The following HDAC4 variants were observed in gnomAD, a reference collection of about 807,000 sequenced individuals.
HDAC4 encodes the protein histone deacetylase 4.
HDAC4 carries 16 observed loss-of-function variants against 135.1 expected under a neutral mutation model. The observed-to-expected ratio is 0.12, with a 90% CI of 0.08 to 0.18. The LOEUF (loss-of-function observed/expected upper bound fraction) is 0.18. Among genes scored for constraint, HDAC4 ranks in the 10% least tolerant of loss-of-function variants. The pLI is 1.00. For synonymous variants in HDAC4, 685 were observed against 653.4 expected (o/e 1.05, Z -0.74); for missense variants, 1,143 against 1,511.8 (o/e 0.76, Z 4.05).
rs796837146 is a variant in HDAC4, at chr2:239,197,882, T to TGTGTGTGC, written c.95-7806_95-7805insGCACACAC. 4.3e-3 allele frequency among the ~76,000 whole-genome samples: 645 copies of TGTGTGTGC among 150,378 alleles called. 3 individuals are homozygous for TGTGTGTGC. The highest frequency in any genetic ancestry group is 0.014 in the African/African-American group (571 of 40,662). ...GTGTGTGTGTGTGTGTGTGTGTGTGTGCTGAGTGTCACCCAGGCTGGACTG... is the reference window on the plus strand; with the variant it reads ...GTGTGTGTGTGTGTGTGTGTGTGTGTGTGTGTGCGCTGAGTGTCACCCAGGCTGGACTG... On this transcript the variant is annotated intron_variant, in intron 3 of 26. Coordinates refer to ENST00000543185, the MANE Select transcript of HDAC4 (RefSeq NM_001378414.1).
rs533270686 is a variant in HDAC4, at chr2:239,089,663, C to T, written c.2388+346G>A. ...ATTAATAAACATTTTGAAAATTTCT[C>T]AGTTGTAATCTCTAATAGAGTCAAT... On this transcript the variant is annotated intron_variant, in intron 18 of 26. Transcript: ENST00000543185. 56 of 206,226 alleles carry T rather than the reference C, an allele frequency of 2.7e-4. 1 individual carries two copies. The highest frequency in any genetic ancestry group is 1.2e-3 in the Admixed American group (23 of 18,478). The allele number at this position is 206,226 out of a possible 1,614,324, so 12.8% of individuals were successfully genotyped here.
chr2:239,312,724 A>G (rs937966158), intron 2 of HDAC4, among the ~76,000 whole-genome samples: 3 of 152,154 alleles, frequency 2.0e-5, no homozygotes, highest in Admixed American at 6.5e-5. Context: ...TGGTCTTCCT[A>G]TGGGTCCTCC....
intron 11 of HDAC4, among the ~76,000 whole-genome samples, chr2:239,127,908 C>T (rs1191375561): frequency 6.6e-6 from 1 of 152,224 alleles, no homozygotes; most frequent in African/African-American, 2.4e-5. Context: ...GAGTCCAAGC[C>T]TCCCAGTGAG....
At chr2:239,130,518 T>G (rs2040501111) in intron 11 of HDAC4, among the ~76,000 whole-genome samples, 1 of 150,630 alleles carries the variant, frequency 6.6e-6, no homozygotes, top group African/African-American at 2.4e-5. Context: ...CAGGGCCACC[T>G]CCACGAGGCA....
intron 2 of HDAC4, among the ~76,000 whole-genome samples, chr2:239,276,650 G>A (rs113037161): frequency 7.6e-4 from 116 of 152,148 alleles, no homozygotes; most frequent in African/African-American, 2.7e-3. Flanking sequence ...GACACTGCCC[G>A]CTGCCTGGAC....
chr2:239,364,144 C>A (rs982440423), intron 1 of HDAC4, among the ~76,000 whole-genome samples: 1 of 152,190 alleles, frequency 6.6e-6, no homozygotes. Flanking sequence ...CTGTGGGAAA[C>A]CCCTCGGTGG....
At chr2:239,380,018 G>A (rs1365295060) in intron 1 of HDAC4, among the ~76,000 whole-genome samples, 1 of 152,164 alleles carries the variant, frequency 6.6e-6, no homozygotes, top group Non-Finnish European at 1.5e-5. Flanking sequence ...ATCCAGCCGG[G>A]GGCGCCAAGA....
chr2:239,162,698 G>A (rs1322869100), intron 6 of HDAC4, among the ~76,000 whole-genome samples: 1 of 152,188 alleles, frequency 6.6e-6, no homozygotes, highest in African/African-American at 2.4e-5. Context: ...AATCCAGACG[G>A]TGTGTCTGCC....
At chr2:239,204,309 G>A (rs975470768) in intron 3 of HDAC4, among the ~76,000 whole-genome samples, 1 of 152,182 alleles carries the variant, frequency 6.6e-6, no homozygotes, top group Non-Finnish European at 1.5e-5. Flanking sequence ...CCCGGGCCAC[G>A]GGCCCTCCAG....
At chr2:239,335,362 C>T (rs1466752496) in intron 2 of HDAC4, among the ~76,000 whole-genome samples, 1 of 146,076 alleles carries the variant, frequency 6.8e-6, no homozygotes, top group Non-Finnish European at 1.5e-5. Context: ...CTACCTCACA[C>T]ATAAAAAAAA....
At chr2:239,160,319 A>G (rs2042711016) in intron 6 of HDAC4, among the ~76,000 whole-genome samples, 1 of 152,186 alleles carries the variant, frequency 6.6e-6, no homozygotes, top group Non-Finnish European at 1.5e-5. Flanking sequence ...CTCTGCATCT[A>G]TGGCATGTCC....
At chr2:239,124,986 C>T (rs796713516) in intron 12 of HDAC4, among the ~76,000 whole-genome samples, 8 of 150,410 alleles carry the variant, frequency 5.3e-5, no homozygotes, top group East Asian at 4.0e-4. Context: ...CGTGTGGCCG[C>T]GTTATATGAC....
chr2:239,204,984 A>G (rs2045958219), intron 3 of HDAC4, among the ~76,000 whole-genome samples: 1 of 152,110 alleles, frequency 6.6e-6, no homozygotes, highest in African/African-American at 2.4e-5. Flanking sequence ...CTGTCATCAA[A>G]GCTGATTGCT....
rs528207895 is a variant in HDAC4 at position 239,208,790 on chromosome 2, A to G, written c.95-18713T>C. On this transcript the variant is annotated intron_variant, in intron 3 of 26. Coordinates refer to ENST00000543185, the MANE Select transcript of HDAC4 (RefSeq NM_001378414.1). ...TACTGCAACAAGCAGAAAACCTAACATAAGAAACAAAAAAAATACAAGGCA... is the reference window on the plus strand; with the variant it reads ...TACTGCAACAAGCAGAAAACCTAACGTAAGAAACAAAAAAAATACAAGGCA... Among the ~76,000 whole-genome samples the G allele has an allele frequency of 2.6e-4, 40 of 152,368 alleles. No homozygotes were observed. In the South Asian group the frequency reaches 7.4e-3, roughly 28 times the overall value.
intron 2 of HDAC4, among the ~76,000 whole-genome samples, chr2:239,246,080 G>A (rs933116910): frequency 6.6e-6 from 1 of 152,218 alleles, no homozygotes; most frequent in African/African-American, 2.4e-5. Flanking sequence ...CTGCAGGGGG[G>A]TGTCCAGCTG....
At chr2:239,102,950 G>C in intron 15 of HDAC4, 54 bp from the exon 16 acceptor site, 1 of 1,611,262 alleles carries the variant, frequency 6.2e-7, no homozygotes, top group Non-Finnish European at 8.5e-7. Context: ...TGCTGCTTCA[G>C]CTCCACAGAC....
At chr2:239,318,811 T>C (rs912789715) in intron 2 of HDAC4, among the ~76,000 whole-genome samples, 1 of 152,104 alleles carries the variant, frequency 6.6e-6, no homozygotes, top group Non-Finnish European at 1.5e-5. Context: ...GGAATAAAAT[T>C]CCCCATTATT....
At chr2:239,276,309 G>T (rs1050689238) in intron 2 of HDAC4, among the ~76,000 whole-genome samples, 2 of 152,202 alleles carry the variant, frequency 1.3e-5, no homozygotes, top group African/African-American at 4.8e-5. Flanking sequence ...GCGTCAAGTC[G>T]TGGTCCCGCC....
intron 12 of HDAC4, among the ~76,000 whole-genome samples, chr2:239,119,271 A>G (rs2039415641): frequency 6.6e-6 from 1 of 152,210 alleles, no homozygotes; most frequent in East Asian, 1.9e-4. Flanking sequence ...TTCCCTAAGA[A>G]GGTGGCACAG....
Sources: allele counts gnomAD v4.1 joint callset (sites outside exome capture counted in the v4.1 genomes callset), GRCh38; gene constraint gnomAD v4.1.1; transcripts MANE v1.5; gene names NCBI Gene and HGNC (gene_info 2026-07-23, HGNC 2026-07-21).